The following NFE2L3 variants were observed in gnomAD, a reference collection of about 807,000 sequenced individuals.
NFE2L3 encodes the protein NFE2 like bZIP transcription factor 3.
NFE2L3 carries 18 observed loss-of-function variants against 23.5 expected under a neutral mutation model. That is an observed-to-expected ratio of 0.77 (90% CI 0.53 to 1.13). The LOEUF (loss-of-function observed/expected upper bound fraction) is 1.13, where lower values mean the gene tolerates loss of function less well. Ranked by LOEUF, NFE2L3 falls within the 50% of genes most tolerant of loss-of-function variation. NFE2L3 has a pLI of 0.00. For missense variants in NFE2L3, 1,152 were observed against 877.2 expected (o/e 1.31, Z -3.96); for synonymous variants, 424 against 354.5 (o/e 1.20, Z -2.20).
Position 26,152,864 on chromosome 7 carries a change from C to T in NFE2L3, c.366C>T (p.Asp122=). ...ACAGCGTGGCTGCCGGGAGCGCGGA[C>T]GAGGCCCACGGGCTGCTCGGCGCCG... ...LVHSVAAGSA[D]EAHGLLGAAA... is the part of the protein sequence containing the mutation. Residue 122 remains aspartate (D), a synonymous_variant, in exon 1 of 4, where the codon GAC becomes GAT. Transcript: ENST00000056233. This position sits in a 1 kb window ranked among gnomAD's most constrained non-coding sequence, Gnocchi z 4.4. The T allele has an allele frequency of 1.4e-6, 2 of 1,471,204 alleles. No homozygotes were observed. Among genetic ancestry groups the T allele is most frequent in the Non-Finnish European group, 1.8e-6 (2 of 1,119,168 alleles). 91.1% of individuals were successfully genotyped at this position (1,471,204 alleles called of 1,614,324 possible). A position where few individuals can be genotyped will look rare whatever the true frequency, so the allele number is the denominator to read the frequency against.
At chr7:26,182,936 A>G (rs2128100297) in intron 2 of NFE2L3, among the ~76,000 whole-genome samples, 1 of 152,232 alleles carries the variant, frequency 6.6e-6, no homozygotes, top group South Asian at 2.1e-4. Flanking sequence ...CTGGGACCAC[A>G]GGTGCACACC....
chr7:26,179,240 C>T (rs1464546842), intron 2 of NFE2L3, among the ~76,000 whole-genome samples: 1 of 152,074 alleles, frequency 6.6e-6, no homozygotes, highest in Non-Finnish European at 1.5e-5. Flanking sequence ...GTTGCTCACA[C>T]CTATAATCCC....
At chr7:26,154,695 C>T (rs1234381582) in intron 1 of NFE2L3, among the ~76,000 whole-genome samples, 2 of 152,176 alleles carry the variant, frequency 1.3e-5, no homozygotes, top group African/African-American at 2.4e-5. Context: ...GGAGAACTGG[C>T]GTGCACCACC....
chr7:26,184,353 AT>A (rs1782425515), intron 3 of NFE2L3, 179 bp from the exon 4 acceptor site: 1 of 568,816 alleles, frequency 1.8e-6, no homozygotes, highest in Non-Finnish European at 3.1e-6. Flanking sequence ...AGGTATTCTG[AT>A]TTGGACTCAC....
At chr7:26,153,117 G>C in intron 1 of NFE2L3, 49 bp downstream of exon 1, 1 of 1,479,946 alleles carries the variant, frequency 6.8e-7, no homozygotes, top group Non-Finnish European at 8.9e-7. Context: ...ACGCCGCCGG[G>C]AGCCCCCGAG....
At chr7:26,183,339 A>G (rs1277540368) in intron 2 of NFE2L3, among the ~76,000 whole-genome samples, 9 of 151,944 alleles carry the variant, frequency 5.9e-5, no homozygotes, top group African/African-American at 9.7e-5. Context: ...CTTGCGGTCA[A>G]AAGTTCGAGA....
In NFE2L3 at chr7:26,184,917, G is replaced by A. The variant is rs748359384; in HGVS notation, c.1219G>A (p.Asp407Asn). ...CACAGAAGACAACTTTGATCCAATC[G>A]ATGTTTCTCAGCTTTTTGATGAACC... ...LATEDNFDPI[D>N]VSQLFDEPDS... The change falls in exon 4 of 4, where the codon GAT becomes AAT. Residue 407 changes from aspartate (D) to asparagine (N), a missense_variant. Coordinates refer to ENST00000056233, the MANE Select transcript of NFE2L3 (RefSeq NM_004289.7). 10 of 1,613,864 alleles carry A rather than the reference G, an allele frequency of 6.2e-6. No individual in the cohort carries two copies. The highest frequency in any genetic ancestry group is 8.5e-6 in the Non-Finnish European group (10 of 1,179,846).
intron 1 of NFE2L3, among the ~76,000 whole-genome samples, chr7:26,159,705 G>A (rs1327000297): frequency 6.6e-6 from 1 of 152,186 alleles, no homozygotes; most frequent in Non-Finnish European, 1.5e-5. Context: ...CTGTCTGAGT[G>A]GATGAGGGCA....
chr7:26,180,365 C>CT (rs770548643), intron 2 of NFE2L3, among the ~76,000 whole-genome samples: 24 of 152,272 alleles, frequency 1.6e-4, no homozygotes, highest in Admixed American at 5.2e-4. Flanking sequence ...ACTGCCTGTT[C>CT]TTTTTTCCCA....
intron 1 of NFE2L3, among the ~76,000 whole-genome samples, chr7:26,153,781 A>T (rs1190298216): frequency 6.6e-6 from 1 of 152,186 alleles, no homozygotes; most frequent in Admixed American, 6.5e-5. Flanking sequence ...TCTTTCTGAA[A>T]CCAAGTTTAC....
rs775309540 is a variant in NFE2L3 at position 26,152,457 on chromosome 7, C to T, written c.-42C>T. 1.9e-5 allele frequency: 23 copies of T among 1,226,590 alleles called. No individual in the cohort carries two copies. The Admixed American group carries it at 3.0e-4, about 16-fold the overall frequency. The allele number at this position is 1,226,590 out of a possible 1,614,324, so 76.0% of individuals were successfully genotyped here. ...CACCCCGGCGGCTGGGGCGCCGGGA[C>T]CCGCGGGCGCCGGCAGGGGCGTTCC... On this transcript the variant is annotated 5_prime_UTR_variant, in exon 1 of 4. Coordinates refer to ENST00000056233, the MANE Select transcript of NFE2L3 (RefSeq NM_004289.7). The surrounding 1 kb of genome is among the most constrained non-coding windows in gnomAD (Gnocchi z 4.4).
At chr7:26,165,024 C>T (rs1009069211) in intron 1 of NFE2L3, among the ~76,000 whole-genome samples, 3 of 152,152 alleles carry the variant, frequency 2.0e-5, no homozygotes, top group Non-Finnish European at 4.4e-5. Context: ...GTTTTGGTAC[C>T]AGTACCATGC....
At chr7:26,184,184 TATTATCCCTGACCCTCCACA>T (rs1782414382) in intron 3 of NFE2L3, 1 of 336,210 alleles carries the variant, frequency 3.0e-6, no homozygotes. Context: ...CACTGTAGTT[TATTATCCCTGACCCTCCACA>T]ATGTGATTAC....
At chr7:26,170,243 C>G (rs1784315303) in intron 1 of NFE2L3, among the ~76,000 whole-genome samples, 1 of 152,174 alleles carries the variant, frequency 6.6e-6, no homozygotes, top group Non-Finnish European at 1.5e-5. Flanking sequence ...CCTCTCCCTA[C>G]CCGGCTAAAG....
rs147657687 is a variant in NFE2L3 at position 26,181,062 on chromosome 7, A to C, written c.751-2639A>C. ...CGCTGTCATGGCTCACTGCAGCCTA[A>C]ACCTCCTGGGCTCAGGTGATCTCCC... On this transcript the variant is annotated intron_variant, in intron 2 of 3. Transcript: ENST00000056233. 5.6e-3 allele frequency among the ~76,000 whole-genome samples: 854 copies of C among 152,124 alleles called. 6 individuals are homozygous for C. Among genetic ancestry groups the C allele is most frequent in the African/African-American group, 0.02 (818 of 41,498 alleles).
At chr7:26,170,583 A>G (rs572337209) in intron 1 of NFE2L3, among the ~76,000 whole-genome samples, 1 of 152,368 alleles carries the variant, frequency 6.6e-6, no homozygotes, top group East Asian at 1.9e-4. Context: ...GGTATATCCC[A>G]TGAAATAAGT....
chr7:26,167,666 G>A (rs1385054014), intron 1 of NFE2L3, among the ~76,000 whole-genome samples: 2 of 152,096 alleles, frequency 1.3e-5, no homozygotes, highest in Non-Finnish European at 2.9e-5. Flanking sequence ...CTACGCAACA[G>A]AACTAGTAAA....
chr7:26,178,231 TAAC>T, intron 2 of NFE2L3, 109 bp downstream of exon 2: 1 of 847,550 alleles, frequency 1.2e-6, no homozygotes, highest in South Asian at 1.8e-5. Flanking sequence ...GCTCTACTAT[TAAC>T]AAATATGATA....
At chr7:26,175,800 T>G (rs1784393474) in intron 1 of NFE2L3, among the ~76,000 whole-genome samples, 1 of 150,994 alleles carries the variant, frequency 6.6e-6, no homozygotes, top group Admixed American at 6.6e-5. Context: ...AAAAATAGTT[T>G]CCATATTTGA....
Sources: gnomAD v4.1 joint callset for allele counts (sites outside exome capture counted in the v4.1 genomes callset) on GRCh38, gnomAD v4.1.1 for gene constraint, Gnocchi (gnomAD v3.1) non-coding constraint, MANE v1.5 for transcripts, NCBI Gene and HGNC (gene_info 2026-07-23, HGNC 2026-07-21) for gene names.